The following SLC4A8 variants were observed in gnomAD, a reference collection of about 807,000 sequenced individuals.
SLC4A8 encodes the protein electroneutral sodium bicarbonate exchanger 1.
Under a neutral mutation model 125.0 loss-of-function variants are expected in SLC4A8, and 40 were observed. The ratio of observed to expected loss-of-function variants is 0.32; its 90% CI spans 0.25 to 0.42. The LOEUF is 0.42. SLC4A8 is among the 10% of genes least tolerant of loss of function. SLC4A8 has a pLI of 1.00. For missense variants in SLC4A8, 863 were observed against 1,355.1 expected, an observed-to-expected ratio of 0.64 and a Z score of 5.70; for synonymous variants, 456 against 476.0, an observed-to-expected ratio of 0.96 and a Z score of 0.55.
chr12:51,498,083 A>C (rs1937650982), intron 22 of SLC4A8, among the ~76,000 whole-genome samples: 1 of 151,644 alleles, frequency 6.6e-6, no homozygotes, highest in Admixed American at 6.6e-5. Context: ...TTTTCCCCTA[A>C]TATCTTGAAC....
At chr12:51,496,189 A>G (rs1951455213) in intron 21 of SLC4A8, among the ~76,000 whole-genome samples, 1 of 152,218 alleles carries the variant, frequency 6.6e-6, no homozygotes, top group South Asian at 2.1e-4. Flanking sequence ...TCAATTCCAG[A>G]TGTATTAGGA....
At chr12:51,471,793 C>A (rs1950708533) in intron 14 of SLC4A8, among the ~76,000 whole-genome samples, 1 of 152,168 alleles carries the variant, frequency 6.6e-6, no homozygotes, top group Non-Finnish European at 1.5e-5. Context: ...TGGTTCTAGG[C>A]ACTGAAACAA....
At chr12:51,467,149 A>G (rs982547359) in intron 11 of SLC4A8, among the ~76,000 whole-genome samples, 1 of 152,194 alleles carries the variant, frequency 6.6e-6, no homozygotes, top group Non-Finnish European at 1.5e-5. Context: ...TGCTGCCTGC[A>G]AGGTTATTGA....
Position 51,450,978 on chromosome 12 carries a change from A to C in SLC4A8, c.233A>C (p.Lys78Thr). ...GQKHRRRGRG[K>T]GASQGEEGLE... is the part of the protein sequence containing the mutation. ...AAGCACCGGAGACGAGGGCGGGGCA[A>C]AGGAGCCAGCCAGGGGGAGGAAGGC... Residue 78 changes from lysine to threonine, a missense_variant, in exon 3 of 25, where the codon AAA (lysine) becomes ACA (threonine). Lys to Thr is a moderately conservative substitution (Grantham distance 78). This residue lies in a region of SLC4A8 where 104 missense variants were observed against 116.4 expected (regional missense o/e 0.89). Transcript: ENST00000453097. 6.3e-7 allele frequency: 1 copy of C among 1,580,374 alleles called. No homozygotes were observed. Among genetic ancestry groups the C allele is most frequent in the Non-Finnish European group, 8.6e-7 (1 of 1,161,206 alleles).
intron 1 of SLC4A8, among the ~76,000 whole-genome samples, chr12:51,415,596 T>G (rs1948672328): frequency 6.6e-6 from 1 of 152,076 alleles, no homozygotes; most frequent in South Asian, 2.1e-4. Flanking sequence ...ATAATGTGTG[T>G]TGATTCTTTC....
chr12:51,480,429 AC>A, intron 16 of SLC4A8: 1 of 1,113,220 alleles, frequency 9.0e-7, no homozygotes, highest in Non-Finnish European at 1.1e-6. Context: ...GTGGAATAAT[AC>A]GTGGATTGGG....
intron 8 of SLC4A8, among the ~76,000 whole-genome samples, chr12:51,460,482 G>A (rs1402546717): frequency 6.6e-6 from 1 of 152,136 alleles, no homozygotes; most frequent in African/African-American, 2.4e-5. Context: ...TTATTTCTAA[G>A]GCTATGACTG....
At chr12:51,425,254 A>G (rs1182646303) in intron 1 of SLC4A8, 1 of 1,346,188 alleles carries the variant, frequency 7.4e-7, no homozygotes, top group African/African-American at 1.5e-5. Flanking sequence ...GATCTGGCCC[A>G]TCTCTGCCGC....
At chr12:51,419,896 G>A (rs543694873), upstream of SLC4A8, among the ~76,000 whole-genome samples, 266 of 152,338 alleles carry the variant, frequency 1.7e-3, 1 homozygote, top group Middle Eastern at 6.8e-3. Flanking sequence ...TCACAGCCAG[G>A]AGCTTGGCTC....
Position 51,430,643 on chromosome 12 carries a change from G to C in SLC4A8, c.48+5608G>C, listed in dbSNP as rs193008034. 6.8e-4 allele frequency among the ~76,000 whole-genome samples: 103 copies of C among 152,114 alleles called. 4 individuals carry two copies. The East Asian group carries it at 0.015, about 22-fold the overall frequency. On this transcript the variant is annotated intron_variant, in intron 1 of 24. Coordinates refer to ENST00000453097, the MANE Select transcript of SLC4A8 (RefSeq NM_001039960.3). ...AAGCAGAGACTTGAGCAGAGAACTGGGGACAATTCGGACTGCAAATTTACT... is the reference window on the plus strand; with the variant it reads ...AAGCAGAGACTTGAGCAGAGAACTGCGGACAATTCGGACTGCAAATTTACT...
At position 51,457,467 on chromosome 12, in the gene SLC4A8, C is replaced by T; in HGVS notation, c.691C>T (p.Leu231Phe). ...HHQNEKKRNN[L>F]IPIVRSFAEV... ...TCAGAATGAAAAGAAGAGAAACAACCTCATTCCCATTGTTCGCTCCTTTGC... is the reference window on the plus strand; with the variant it reads ...TCAGAATGAAAAGAAGAGAAACAACTTCATTCCCATTGTTCGCTCCTTTGC... Residue 231 changes from leucine (L) to phenylalanine (F), a missense_variant, in exon 6 of 25, where the codon CTC becomes TTC. Leu to Phe is a conservative substitution (Grantham distance 22, BLOSUM62 0). This residue lies in a region of SLC4A8 where 390 missense variants were observed against 634.4 expected (regional missense o/e 0.61). Transcript: ENST00000453097. The T allele has an allele frequency of 6.2e-7, 1 of 1,614,050 alleles. No homozygotes were observed.
In SLC4A8 at chr12:51,504,139, A is replaced by G; in HGVS notation, c.3173+19A>G. The G allele has an allele frequency of 7.0e-7, 1 of 1,430,574 alleles. No homozygotes were observed. The highest frequency in any genetic ancestry group is 9.7e-7 in the Non-Finnish European group (1 of 1,032,902). 88.6% of individuals were successfully genotyped at this position (1,430,574 alleles called of 1,614,324 possible). A position where few individuals can be genotyped will look rare whatever the true frequency, so the allele number is the denominator to read the frequency against. ...GTTGCAGGTAAAACTTCCAAACACCAAGGAGTTTACTTTTGGGTTATTCTC... is the reference window on the plus strand; with the variant it reads ...GTTGCAGGTAAAACTTCCAAACACCGAGGAGTTTACTTTTGGGTTATTCTC... On this transcript the variant is annotated intron_variant, in intron 23 of 24. Transcript: ENST00000453097.
At chr12:51,507,095 C>T (rs1565828231) in intron 24 of SLC4A8, among the ~76,000 whole-genome samples, 2 of 152,200 alleles carry the variant, frequency 1.3e-5, no homozygotes, top group African/African-American at 2.4e-5. Flanking sequence ...TGCCCCACTC[C>T]TGAGGCTGCT....
intron 1 of SLC4A8, among the ~76,000 whole-genome samples, chr12:51,400,642 G>C (rs1348566181): frequency 2.0e-5 from 3 of 148,752 alleles, no homozygotes; most frequent in African/African-American, 5.0e-5. Flanking sequence ...AATGGAAAAG[G>C]TGACTGGGGT....
intron 4 of SLC4A8, among the ~76,000 whole-genome samples, chr12:51,453,312 C>T (rs1950025587): frequency 6.6e-6 from 1 of 152,100 alleles, no homozygotes; most frequent in African/African-American, 2.4e-5. Context: ...ATGTATTTGA[C>T]TTTTAGAATT....
rs779816656 is a variant in SLC4A8, at chr12:51,453,654, A to G, written c.529A>G (p.Thr177Ala). The G allele has an allele frequency of 6.2e-7, 1 of 1,614,184 alleles. No homozygotes were observed. The highest frequency in any genetic ancestry group is 1.1e-5 in the South Asian group (1 of 91,076). The change falls in exon 5 of 25, where the codon ACA (threonine) becomes GCA (alanine). Residue 177 changes from threonine (T) to alanine (A), a missense_variant. Thr to Ala is a moderately conservative substitution (Grantham distance 58, BLOSUM62 0). Coordinates refer to ENST00000453097, the MANE Select transcript of SLC4A8 (RefSeq NM_001039960.3). ...FELRSCLING[T>A]VLLDMHANSI... Reference sequence around the variant, plus strand: ...GCTAAGGAGCTGCCTTATTAATGGAACAGTCCTCCTGGATATGCATGCAAA... The same window carrying G: ...GCTAAGGAGCTGCCTTATTAATGGAGCAGTCCTCCTGGATATGCATGCAAA...
intron 1 of SLC4A8, among the ~76,000 whole-genome samples, chr12:51,403,844 G>A (rs1565751230): frequency 2.0e-5 from 3 of 152,270 alleles, no homozygotes; most frequent in Admixed American, 2.0e-4. Flanking sequence ...CCGTAGGCAG[G>A]GCGGTTGCTA....
At chr12:51,459,065 T>C (rs1950239603) in intron 7 of SLC4A8, among the ~76,000 whole-genome samples, 1 of 152,248 alleles carries the variant, frequency 6.6e-6, no homozygotes, top group South Asian at 2.1e-4. Flanking sequence ...CCTTGAGGAC[T>C]GTGACTTTGG....
chr12:51,439,088 G>A (rs901777458), intron 1 of SLC4A8, among the ~76,000 whole-genome samples: 2 of 152,022 alleles, frequency 1.3e-5, no homozygotes, highest in African/African-American at 2.4e-5. Context: ...ACAGAGTCTC[G>A]CTCTGTTGCC....
Sources: allele counts gnomAD v4.1 joint callset (sites outside exome capture counted in the v4.1 genomes callset), GRCh38; gene constraint gnomAD v4.1.1; regional missense constraint gnomAD v4.1.1; transcripts MANE v1.5; gene names NCBI Gene and HGNC (gene_info 2026-07-23, HGNC 2026-07-21).